STK32C: variants seen among roughly 807,000 people sequenced by gnomAD.
STK32C encodes serine/threonine kinase 32C.
A neutral mutation model predicts 56.5 loss-of-function variants in STK32C; 31 were observed. The observed-to-expected ratio is 0.55, with a 90% CI of 0.41 to 0.74. The LOEUF (loss-of-function observed/expected upper bound fraction) is 0.74. STK32C is among the 30% of genes least tolerant of loss of function. STK32C has a pLI of 0.00. For missense variants in STK32C, 544 were observed against 676.9 expected, an observed-to-expected ratio of 0.80 and a Z score of 2.18; for synonymous variants, 309 against 289.4, an observed-to-expected ratio of 1.07 and a Z score of -0.69.
chr10:132,318,099 C>A (rs544391700), intron 1 of STK32C, among the ~76,000 whole-genome samples: 39 of 151,368 alleles, frequency 2.6e-4, no homozygotes, highest in African/African-American at 8.7e-4. Flanking sequence ...GAAACCTGGT[C>A]TCTACTTAAA....
At chr10:132,223,228 G>A (rs2306978) in intron 8 of STK32C, among the ~76,000 whole-genome samples, 8,490 of 152,308 alleles carry the variant, frequency 0.056, 472 homozygotes, top group East Asian at 0.21. Flanking sequence ...TAAACCCCTG[G>A]CGCCAGAGGA....
At position 132,294,296 on chromosome 10, in the gene STK32C, C is replaced by T. The variant is rs12255896; in HGVS notation, c.262+13276G>A. On this transcript the variant is annotated intron_variant, in intron 1 of 11. Coordinates refer to ENST00000298630, the MANE Select transcript of STK32C (RefSeq NM_173575.4). Reference sequence around the variant, plus strand: ...GGGGTTGGGGATCAGGAGTGTCAGACCCTGCCATAGGTCGAGGCCAAGGAA... The same window carrying T: ...GGGGTTGGGGATCAGGAGTGTCAGATCCTGCCATAGGTCGAGGCCAAGGAA... 2.9e-3 allele frequency among the ~76,000 whole-genome samples: 437 copies of T among 152,258 alleles called. 3 individuals carry two copies. Among genetic ancestry groups the T allele is most frequent in the African/African-American group, 9.3e-3 (386 of 41,558 alleles).
At chr10:132,209,460 C>A (rs2062219945) in intron 10 of STK32C, 4 of 447,208 alleles carry the variant, frequency 8.9e-6, no homozygotes, top group Non-Finnish European at 1.3e-5. Context: ...CTCCCAGCCC[C>A]TCATCACAGC....
intron 1 of STK32C, among the ~76,000 whole-genome samples, chr10:132,275,625 TGG>T (rs1180275931): frequency 1.9e-4 from 29 of 152,294 alleles, no homozygotes; most frequent in African/African-American, 6.3e-4. Context: ...ACGGGGCCAG[TGG>T]CCAGGGGCCA....
rs2063672411 is a variant in STK32C, at chr10:132,245,971, G to C, written c.263-16C>G. 6.2e-6 allele frequency: 10 copies of C among 1,613,216 alleles called. No individual in the cohort carries two copies. The highest frequency in any genetic ancestry group is 8.5e-6 in the Non-Finnish European group (10 of 1,179,924). ...TCGAAGTTCACTGCAGGATAAAACA[G>C]AGGGACACCTGGTGAGGTGGCAGCA... On this transcript the variant is annotated splice_polypyrimidine_tract_variant and intron_variant, in intron 1 of 11. Transcript: ENST00000298630.
chr10:132,325,620 G>T (rs2066482931), intron 1 of STK32C, among the ~76,000 whole-genome samples: 1 of 151,832 alleles, frequency 6.6e-6, no homozygotes, highest in Non-Finnish European at 1.5e-5. Context: ...GACGCAACTT[G>T]CTCCTCCTTG....
chr10:132,300,756 C>T (rs368335302), intron 1 of STK32C, among the ~76,000 whole-genome samples: 5 of 152,138 alleles, frequency 3.3e-5, no homozygotes, highest in African/African-American at 4.8e-5. Flanking sequence ...GATACCACCC[C>T]GGGTGGCCAC....
chr10:132,308,164 A>G (rs1390559486), upstream of STK32C, among the ~76,000 whole-genome samples: 2 of 149,974 alleles, frequency 1.3e-5, no homozygotes, highest in African/African-American at 4.9e-5. Flanking sequence ...GTCGCTAGGG[A>G]GTGGGTGGCC....
intron 10 of STK32C, among the ~76,000 whole-genome samples, chr10:132,222,019 G>A (rs1424516701): frequency 3.3e-5 from 5 of 149,806 alleles, no homozygotes; most frequent in African/African-American, 1.2e-4. Flanking sequence ...CAACGCACCT[G>A]GGTGAGTGTG....
chr10:132,230,772 T>C (rs1003867635), intron 2 of STK32C, among the ~76,000 whole-genome samples: 1 of 150,566 alleles, frequency 6.6e-6, no homozygotes, highest in African/African-American at 2.5e-5. Context: ...AGCCTCAGGC[T>C]TTCTGTCGCT....
intron 4 of STK32C, among the ~76,000 whole-genome samples, chr10:132,226,232 C>T (rs1332084890): frequency 6.6e-6 from 1 of 152,264 alleles, no homozygotes; most frequent in East Asian, 1.9e-4. Flanking sequence ...AATGCAAACA[C>T]CAGTCCATTC....
At chr10:132,294,564 C>T (rs963584458) in intron 1 of STK32C, among the ~76,000 whole-genome samples, 2 of 152,200 alleles carry the variant, frequency 1.3e-5, no homozygotes, top group South Asian at 2.1e-4. Flanking sequence ...ACACACCAAA[C>T]GCCATCTGAT....
rs568492575 is a variant in STK32C, at chr10:132,259,245, G to A, written c.263-13290C>T. ...ACCCTCCTTCCATCCAGGGTAAGATGTAACTTCCTGACATGGTTTGGCTCT... is the reference window on the plus strand; with the variant it reads ...ACCCTCCTTCCATCCAGGGTAAGATATAACTTCCTGACATGGTTTGGCTCT... On this transcript the variant is annotated intron_variant, in intron 1 of 11. Coordinates refer to ENST00000298630, the MANE Select transcript of STK32C (RefSeq NM_173575.4). Among the ~76,000 whole-genome samples the A allele has an allele frequency of 1.4e-4, 22 of 152,376 alleles. No individual in the cohort carries two copies. The East Asian group carries it at 3.9e-3, about 27-fold the overall frequency.
At chr10:132,290,809 C>G (rs994219070) in intron 1 of STK32C, among the ~76,000 whole-genome samples, 3 of 152,054 alleles carry the variant, frequency 2.0e-5, no homozygotes, top group African/African-American at 7.2e-5. Flanking sequence ...GGCCATCATG[C>G]CCAGGGCTAC....
intron 2 of STK32C, among the ~76,000 whole-genome samples, chr10:132,243,383 C>T (rs1360992999): frequency 2.6e-5 from 4 of 151,936 alleles, no homozygotes; most frequent in Admixed American, 2.0e-4. Flanking sequence ...AGCCTGGGGG[C>T]GAGGCGGGGG....
exon 1 of STK32C, chr10:132,331,453 C>A (rs1455597178): frequency 6.2e-7 from 1 of 1,611,478 alleles, no homozygotes; most frequent in Non-Finnish European, 8.5e-7. Flanking sequence ...CCTCGCCCCC[C>A]TCACTCCTCC....
At chr10:132,244,853 G>A (rs761115465) in intron 2 of STK32C, among the ~76,000 whole-genome samples, 22 of 152,162 alleles carry the variant, frequency 1.4e-4, no homozygotes, top group Admixed American at 3.3e-4. Flanking sequence ...CGTCTCTGAC[G>A]AACTCCGCCA....
rs1271001484 is a variant in STK32C at position 132,307,950 on chromosome 10, T to C, written c.-117A>G. 3.0e-6 allele frequency: 3 copies of C among 1,009,122 alleles called. No individual in the cohort carries two copies. The highest frequency in any genetic ancestry group is 9.0e-5 in the Admixed American group (1 of 11,094). 62.5% of individuals were successfully genotyped at this position (1,009,122 alleles called of 1,614,324 possible). On this transcript the variant is annotated 5_prime_UTR_variant, in exon 1 of 12. Transcript: ENST00000298630. This position sits in a 1 kb window ranked among gnomAD's most constrained non-coding sequence, Gnocchi z 4.4. ...CGGCAGCGCCCGCCGTGCGCTCTTCTGGGCGGTGGAACCCGCCCCGTAGAT... is the reference window on the plus strand; with the variant it reads ...CGGCAGCGCCCGCCGTGCGCTCTTCCGGGCGGTGGAACCCGCCCCGTAGAT...
chr10:132,328,312 G>T (rs571156220), intron 1 of STK32C, among the ~76,000 whole-genome samples: 2 of 152,058 alleles, frequency 1.3e-5, no homozygotes, highest in Admixed American at 1.3e-4. Context: ...GCTCCTGGGT[G>T]GGTGCCCGAA....
Sources: allele counts gnomAD v4.1 joint callset (sites outside exome capture counted in the v4.1 genomes callset), GRCh38; gene constraint gnomAD v4.1.1; non-coding constraint Gnocchi (gnomAD v3.1); transcripts MANE v1.5; gene names NCBI Gene and HGNC (gene_info 2026-07-23, HGNC 2026-07-21).